The following DAB1 variants were observed in gnomAD, a reference collection of about 807,000 sequenced individuals.
The protein encoded by DAB1 is DAB adaptor protein 1.
Under a neutral mutation model 64.6 loss-of-function variants are expected in DAB1, and 15 were observed. The observed-to-expected ratio is 0.23, with a 90% confidence interval of 0.16 to 0.36. The LOEUF (loss-of-function observed/expected upper bound fraction) is 0.36. Ranked by LOEUF, DAB1 falls within the 10% of genes least tolerant of loss-of-function variation. DAB1 has a pLI of 1.00. For missense variants in DAB1, 596 were observed against 706.7 expected (o/e 0.84, Z 1.78); for synonymous variants, 235 against 251.9 (o/e 0.93, Z 0.64).
At chr1:58,149,071 G>C (rs925171618) in intron 5 of DAB1, among the ~76,000 whole-genome samples, 1 of 152,130 alleles carries the variant, frequency 6.6e-6, no homozygotes, top group Non-Finnish European at 1.5e-5. Flanking sequence ...CCCTACAACA[G>C]TAGTAATTTC....
chr1:57,034,767 C>T (rs545583437), intron 9 of DAB1, among the ~76,000 whole-genome samples: 26 of 152,222 alleles, frequency 1.7e-4, no homozygotes, highest in Non-Finnish European at 2.5e-4. Flanking sequence ...GGAGTTATTA[C>T]GCATGAATAG....
intron 7 of DAB1, among the ~76,000 whole-genome samples, chr1:57,594,658 A>G (rs1645484197): frequency 6.6e-6 from 1 of 152,160 alleles, no homozygotes; most frequent in Non-Finnish European, 1.5e-5. Context: ...TAAATTTTCA[A>G]TCCAAGACGT....
chr1:58,058,808 T>C (rs1412369460), intron 5 of DAB1, among the ~76,000 whole-genome samples: 1 of 152,260 alleles, frequency 6.6e-6, no homozygotes, highest in African/African-American at 2.4e-5. Context: ...TATGAAATCC[T>C]GGAGTTCCTG....
intron 7 of DAB1, among the ~76,000 whole-genome samples, chr1:57,439,418 G>GTTTTTTTTTTTTGTTTTTTTTTTT: frequency 1.7e-5 from 2 of 116,138 alleles, no homozygotes; most frequent in African/African-American, 3.5e-5. Flanking sequence ...TGGTGATGAG[G>GTTTTTTTTTTTTGTTTTTTTTTTT]TTTTTTCTTT....
At chr1:57,316,323 T>C in intron 1 of DAB1, among the ~76,000 whole-genome samples, 1 of 152,384 alleles carries the variant, frequency 6.6e-6, no homozygotes. Flanking sequence ...AAATGTATTT[T>C]ATTTTGTAAT....
rs34370854 is a variant in DAB1 at position 57,555,025 on chromosome 1, A to AT, written n.625+94566dup. The stretch of plus-strand genomic sequence containing the variant: ...AGAGCTCTCAATCTTCGGTATCTCT[A>AT]TTTTTTTTTTTTTTTTTTTTTTTTT... On this transcript the variant is annotated intron_variant and non_coding_transcript_variant, in intron 7 of 20. Transcript: ENST00000485760. 2.0e-3 allele frequency among the ~76,000 whole-genome samples: 138 copies of AT among 68,492 alleles called. 17 individuals are homozygous for AT. Among genetic ancestry groups the AT allele is most frequent in the African/African-American group, 3.7e-3 (66 of 17,872 alleles). 44.9% of individuals were successfully genotyped at this position (68,492 alleles called of 152,430 possible).
At chr1:57,260,044 G>A (rs1159090388) in intron 2 of DAB1, among the ~76,000 whole-genome samples, 2 of 152,118 alleles carry the variant, frequency 1.3e-5, no homozygotes, top group African/African-American at 4.8e-5. Flanking sequence ...ATAAACATCA[G>A]TGAATTAAAT....
At chr1:57,410,492 C>A (rs898927663) in intron 1 of DAB1, among the ~76,000 whole-genome samples, 2 of 152,180 alleles carry the variant, frequency 1.3e-5, no homozygotes, top group African/African-American at 4.8e-5. Flanking sequence ...AAGAAAGAGA[C>A]ACATACCTTG....
At chr1:57,097,867 T>A (rs991814951) in intron 4 of DAB1, among the ~76,000 whole-genome samples, 1 of 152,114 alleles carries the variant, frequency 6.6e-6, no homozygotes, top group African/African-American at 2.4e-5. Context: ...AAGCTCCGCC[T>A]CCCGGGTTCA....
At chr1:57,308,596 C>G (rs76580488) in intron 1 of DAB1, among the ~76,000 whole-genome samples, 8,207 of 152,266 alleles carry the variant, frequency 0.054, 254 homozygotes, top group Non-Finnish European at 0.074. Context: ...TGTGCACTGA[C>G]TTTTCATCTT....
intron 2 of DAB1, among the ~76,000 whole-genome samples, chr1:57,273,080 C>T (rs540685717): frequency 6.6e-6 from 1 of 152,134 alleles, no homozygotes; most frequent in East Asian, 1.9e-4. Context: ...TTTGCACCAC[C>T]TTTTAACCCA....
intron 9 of DAB1, among the ~76,000 whole-genome samples, chr1:57,056,588 G>T (rs1649793232): frequency 6.6e-6 from 1 of 152,030 alleles, no homozygotes; most frequent in Non-Finnish European, 1.5e-5. Flanking sequence ...AAGTGGGCTT[G>T]GCATGGTGGC....
At chr1:58,093,844 G>C (rs1650829011) in intron 5 of DAB1, among the ~76,000 whole-genome samples, 1 of 152,188 alleles carries the variant, frequency 6.6e-6, no homozygotes, top group Admixed American at 6.5e-5. Flanking sequence ...ACAGGGAGAA[G>C]ACTACGGAGC....
At chr1:57,818,053 T>C (rs1404700189) in intron 6 of DAB1, among the ~76,000 whole-genome samples, 1 of 152,192 alleles carries the variant, frequency 6.6e-6, no homozygotes, top group Non-Finnish European at 1.5e-5. Context: ...TAATACTTGA[T>C]ATTTAGATGG....
At chr1:58,162,352 A>G (rs74502117) in intron 4 of DAB1, among the ~76,000 whole-genome samples, 1,657 of 152,030 alleles carry the variant, frequency 0.011, 32 homozygotes, top group African/African-American at 0.038. Flanking sequence ...TTTTTTCTCT[A>G]TTCTTTTTTT....
intron 1 of DAB1, among the ~76,000 whole-genome samples, chr1:57,848,084 C>G (rs1366351308): frequency 6.6e-6 from 1 of 152,162 alleles, no homozygotes; most frequent in African/African-American, 2.4e-5. Context: ...ATCCCCAGAG[C>G]CTGCCCCTTT....
chr1:58,349,613 C>T (rs1002718808), intron 3 of DAB1, among the ~76,000 whole-genome samples: 3 of 152,040 alleles, frequency 2.0e-5, no homozygotes, highest in African/African-American at 7.2e-5. Flanking sequence ...CCCCTAGACG[C>T]CCACCCCTCG....
chr1:58,455,312 C>A (rs1645183095), intron 3 of DAB1, among the ~76,000 whole-genome samples: 2 of 152,244 alleles, frequency 1.3e-5, no homozygotes, highest in South Asian at 2.1e-4. Context: ...GGCGAGGGAG[C>A]TAGGGTGGTT....
At chr1:58,218,312 G>A (rs771751437) in intron 4 of DAB1, among the ~76,000 whole-genome samples, 4 of 152,184 alleles carry the variant, frequency 2.6e-5, no homozygotes, top group Admixed American at 6.5e-5. Flanking sequence ...AGCCAGAGCC[G>A]CCTGGAGTAG....
Sources: gnomAD v4.1 joint callset for allele counts (sites outside exome capture counted in the v4.1 genomes callset) on GRCh38, gnomAD v4.1.1 for gene constraint, MANE v1.5 for transcripts, NCBI Gene and HGNC (gene_info 2026-07-23, HGNC 2026-07-21) for gene names.